ACAT1: variants seen among roughly 807,000 people sequenced by gnomAD.
ACAT1 encodes the protein acetyl-CoA acetyltransferase 1.
A neutral mutation model predicts 47.3 loss-of-function variants in ACAT1; 28 were observed. That is an observed-to-expected ratio of 0.59 (90% CI 0.44 to 0.81). The LOEUF is 0.81. Ranked by LOEUF, ACAT1 falls within the 30% of genes least tolerant of loss-of-function variation. The pLI, the probability that ACAT1 is intolerant of heterozygous loss-of-function variation, is 0.00. For missense variants in ACAT1, 469 were observed against 524.3 expected (o/e 0.89, Z 1.03); for synonymous variants, 181 against 173.6 (o/e 1.04, Z -0.34).
chr11:108,146,065 T>A, intron 10 of ACAT1, 137 bp from the exon 11 acceptor site: 17 of 820,558 alleles, frequency 2.1e-5, no homozygotes, highest in African/African-American at 3.5e-5. Context: ...AATCTGAAAA[T>A]AGAGATCCTT....
chr11:108,126,861 C>G (rs1201257235), intron 1 of ACAT1, among the ~76,000 whole-genome samples: 1 of 139,556 alleles, frequency 7.2e-6, no homozygotes, highest in Non-Finnish European at 1.5e-5. Flanking sequence ...GGCGCAATCT[C>G]AGCTCACTGC....
intron 3 of ACAT1, 80 bp from the exon 4 acceptor site, chr11:108,134,141 A>G: frequency 7.4e-7 from 1 of 1,346,344 alleles, no homozygotes; most frequent in Non-Finnish European, 1.1e-6. Context: ...CTATTGTGTA[A>G]TGTCACCTAC....
intron 1 of ACAT1, among the ~76,000 whole-genome samples, chr11:108,124,050 G>C (rs907601601): frequency 2.6e-5 from 4 of 152,144 alleles, no homozygotes; most frequent in Non-Finnish European, 4.4e-5. Flanking sequence ...CTTCTGGCTG[G>C]GTGTAGCCAC....
At position 108,134,623 on chromosome 11, in the gene ACAT1, G is replaced by C. The variant is rs145654778; in HGVS notation, c.334+307G>C. ...ATTGCACTCCAACCTGGGCGACAGAGTGAGATTCTGTCTGAAAGAAAAAAA... is the reference window on the plus strand; with the variant it reads ...ATTGCACTCCAACCTGGGCGACAGACTGAGATTCTGTCTGAAAGAAAAAAA... On this transcript the variant is annotated intron_variant, in intron 4 of 11. Coordinates refer to ENST00000265838, the MANE Select transcript of ACAT1 (RefSeq NM_000019.4). 3.0e-3 allele frequency among the ~76,000 whole-genome samples: 388 copies of C among 130,226 alleles called. 6 individuals carry two copies. The East Asian group carries it at 0.033, about 11-fold the overall frequency. The allele number at this position is 130,226 out of a possible 152,430, so 85.4% of individuals were successfully genotyped here.
At chr11:108,144,256 C>G in intron 10 of ACAT1, 1 of 595,740 alleles carries the variant, frequency 1.7e-6, no homozygotes, top group South Asian at 2.0e-5. Context: ...CAAACTACAT[C>G]TTCAGTAGAA....
chr11:108,131,693 C>T (rs1019048605), intron 1 of ACAT1, among the ~76,000 whole-genome samples: 19 of 151,822 alleles, frequency 1.3e-4, no homozygotes, highest in Admixed American at 7.2e-4. Flanking sequence ...AGAGTTAAAA[C>T]GTACATTTCC....
At chr11:108,141,532 C>A in intron 7 of ACAT1, 73 bp from the exon 8 acceptor site, 1 of 1,074,766 alleles carries the variant, frequency 9.3e-7, no homozygotes, top group Non-Finnish European at 1.4e-6. Context: ...GACTACTAGG[C>A]ATCTTGTACA....
intron 2 of ACAT1, 102 bp downstream of exon 2, chr11:108,132,056 G>T (rs1565287403): frequency 1.9e-5 from 14 of 742,740 alleles, no homozygotes; most frequent in Non-Finnish European, 1.9e-5. Flanking sequence ...GTCAAAGCAG[G>T]ATTATGTAAC....
chr11:108,132,282 A>G (rs2077376340), intron 2 of ACAT1, among the ~76,000 whole-genome samples: 1 of 152,098 alleles, frequency 6.6e-6, no homozygotes, highest in Non-Finnish European at 1.5e-5. Flanking sequence ...ATCCTAGAAG[A>G]GAGGGAGTGG....
intron 10 of ACAT1, among the ~76,000 whole-genome samples, chr11:108,145,883 T>A (rs2077697365): frequency 6.6e-6 from 1 of 152,010 alleles, no homozygotes; most frequent in Non-Finnish European, 1.5e-5. Flanking sequence ...CTGTCTCTAC[T>A]AAAAATACAA....
At chr11:108,146,037 A>AAAT (rs1053680124) in intron 10 of ACAT1, 165 bp from the exon 11 acceptor site, 36 of 601,856 alleles carry the variant, frequency 6.0e-5, no homozygotes, top group Non-Finnish European at 9.7e-5. Flanking sequence ...ACAGAGCAAG[A>AAAT]CTGTTGGAAA....
At chr11:108,140,916 A>G (rs9666710) in intron 7 of ACAT1, among the ~76,000 whole-genome samples, 151,731 of 152,184 alleles carry the variant, frequency 1, 75,640 homozygotes, top group Middle Eastern at 1. Context: ...AAAAGGGGAC[A>G]TGGAGGTGTA....
At chr11:108,120,895 CAA>C (rs34606160), upstream of ACAT1, among the ~76,000 whole-genome samples, 33 of 149,510 alleles carry the variant, frequency 2.2e-4, 1 homozygote, top group Middle Eastern at 0.014. Context: ...CTAGTCTCTA[CAA>C]AAAAAAAAAA....
chr11:108,121,574 G>T lies in ACAT1; in HGVS notation c.-33G>T. ...GTTGGGGAGGAGGCCGCTAGTCTAC[G>T]CCTGTGGAGCCGATACTCAGCCCTC... On this transcript the variant is annotated 5_prime_UTR_variant, in exon 1 of 12. Coordinates refer to ENST00000265838, the MANE Select transcript of ACAT1 (RefSeq NM_000019.4). 1 of 1,548,212 alleles carries T rather than the reference G, an allele frequency of 6.5e-7. No homozygotes were observed. The highest frequency in any genetic ancestry group is 8.7e-7 in the Non-Finnish European group (1 of 1,145,258).
At chr11:108,125,165 C>G (rs2077225220) in intron 1 of ACAT1, among the ~76,000 whole-genome samples, 1 of 152,152 alleles carries the variant, frequency 6.6e-6, no homozygotes, top group Non-Finnish European at 1.5e-5. Context: ...CTGAGGGTTA[C>G]AAAATTATAT....
At position 108,123,929 on chromosome 11, in the gene ACAT1, TA is replaced by T. The variant is rs1032274391; in HGVS notation, c.72+2260del. On this transcript the variant is annotated intron_variant, in intron 1 of 11. Coordinates refer to ENST00000265838, the MANE Select transcript of ACAT1 (RefSeq NM_000019.4). ...TTCAGCTTCTTTTAATACTCAGACTTAAAAAAAAATTCCTGTATTGTGCCAG... is the reference window on the plus strand; with the variant it reads ...TTCAGCTTCTTTTAATACTCAGACTTAAAAAAAATTCCTGTATTGTGCCAG... 1.6e-4 allele frequency among the ~76,000 whole-genome samples: 24 copies of T among 151,858 alleles called. No individual in the cohort carries two copies. In the East Asian group the frequency reaches 4.1e-3, roughly 26 times the overall value.
At chr11:108,142,206 A>C (rs998075383) in intron 8 of ACAT1, among the ~76,000 whole-genome samples, 1 of 152,240 alleles carries the variant, frequency 6.6e-6, no homozygotes, top group South Asian at 2.1e-4. Context: ...ATCCAGTGCC[A>C]TCATGCATGT....
At position 108,147,409 on chromosome 11, in the gene ACAT1, G is replaced by C. The variant is rs1285081498; in HGVS notation, c.*19G>C. ...GCTGTAGACAACCTCTGCTATTTAA[G>C]GAGACAACCCTATGTGACCAGAAGG... On this transcript the variant is annotated 3_prime_UTR_variant, in exon 12 of 12. Transcript: ENST00000265838. The C allele has an allele frequency of 1.2e-6, 2 of 1,612,472 alleles. No individual in the cohort carries two copies. The highest frequency in any genetic ancestry group is 4.5e-5 in the East Asian group (2 of 44,802).
In ACAT1 at chr11:108,147,392, C is replaced by T. The variant is rs1392972589; in HGVS notation, c.*2C>T. 1.9e-6 allele frequency: 3 copies of T among 1,613,276 alleles called. No homozygotes were observed. The highest frequency in any genetic ancestry group is 3.3e-5 in the Admixed American group (2 of 59,998). Reference sequence around the variant, plus strand: ...GCCATGCTAATTCAGAAGCTGTAGACAACCTCTGCTATTTAAGGAGACAAC... The same window carrying T: ...GCCATGCTAATTCAGAAGCTGTAGATAACCTCTGCTATTTAAGGAGACAAC... On this transcript the variant is annotated 3_prime_UTR_variant, in exon 12 of 12. Coordinates refer to ENST00000265838, the MANE Select transcript of ACAT1 (RefSeq NM_000019.4).
Sources: gnomAD v4.1 joint callset for allele counts (sites outside exome capture counted in the v4.1 genomes callset) on GRCh38, gnomAD v4.1.1 for gene constraint, MANE v1.5 for transcripts, NCBI Gene and HGNC (gene_info 2026-07-23, HGNC 2026-07-21) for gene names.